Variants in MED13 observed in about 807,000 individuals in gnomAD.
MED13 encodes the protein mediator complex subunit 13.
A neutral mutation model predicts 225.2 loss-of-function variants in MED13; 23 were observed. That is an observed-to-expected ratio of 0.10 (90% CI 0.07 to 0.14). The LOEUF is 0.14. MED13 is among the 10% of genes least tolerant of loss of function. MED13 has a pLI of 1.00. For synonymous variants in MED13, 942 were observed against 889.2 expected, an observed-to-expected ratio of 1.06 and a Z score of -1.06; for missense variants, 2,197 against 2,594.5, an observed-to-expected ratio of 0.85 and a Z score of 3.33.
intron 17 of MED13, 96 bp downstream of exon 17, chr17:61,972,631 A>T: frequency 8.6e-7 from 1 of 1,167,220 alleles, no homozygotes; most frequent in Non-Finnish European, 1.2e-6. Context: ...TATCACAAAT[A>T]TATTTAAAGA....
chr17:62,057,842 G>A (rs901192737), intron 2 of MED13, among the ~76,000 whole-genome samples: 1 of 152,090 alleles, frequency 6.6e-6, no homozygotes, highest in Admixed American at 6.5e-5. Flanking sequence ...AGTTCACAAG[G>A]TATCAGTTTT....
intron 16 of MED13, among the ~76,000 whole-genome samples, chr17:61,975,742 G>T (rs1052395932): frequency 6.6e-6 from 1 of 152,168 alleles, no homozygotes; most frequent in Admixed American, 6.5e-5. Context: ...AAGGCCAAGC[G>T]CAATGGCTCA....
At chr17:61,971,742 C>T (rs569943736) in intron 17 of MED13, among the ~76,000 whole-genome samples, 3 of 152,106 alleles carry the variant, frequency 2.0e-5, no homozygotes, top group South Asian at 4.1e-4. Flanking sequence ...GAAACCAGCC[C>T]GGCCAACGTG....
chr17:62,006,361 G>GA (rs1489313529), intron 9 of MED13: 1 of 151,242 alleles, frequency 6.6e-6, no homozygotes, highest in Non-Finnish European at 1.5e-5. Flanking sequence ...AAAAAGAGCT[G>GA]AAAATGGGAC....
chr17:61,974,525 A>G lies in MED13; in HGVS notation c.3806-1637T>C, dbSNP rs373446769. 4.7e-5 allele frequency among the ~76,000 whole-genome samples: 7 copies of G among 150,380 alleles called. No homozygotes were observed. In the East Asian group the frequency reaches 5.9e-4, roughly 13 times the overall value. On this transcript the variant is annotated intron_variant, in intron 16 of 29. Coordinates refer to ENST00000397786, the MANE Select transcript of MED13 (RefSeq NM_005121.3). ...GACACAAGTTTACCTTTTACTTAAT[A>G]TAACAAACCTGGCACATGTACCCAT...
At position 62,050,500 on chromosome 17, in the gene MED13, A is replaced by G. The variant is rs935551835; in HGVS notation, c.470+2037T>C. On this transcript the variant is annotated intron_variant, in intron 3 of 29. Transcript: ENST00000397786. ...ATTTCAATGGTAGGCTGTTGTGACC[A>G]AAAAAAAAAAAAGTCCACTAGATTA... Among the ~76,000 whole-genome samples, 4 of 144,088 alleles carry G rather than the reference A, an allele frequency of 2.8e-5. No homozygotes were observed. In the East Asian group the frequency reaches 6.1e-4, roughly 22 times the overall value. 94.5% of individuals were successfully genotyped at this position (144,088 alleles called of 152,430 possible). A position where few individuals can be genotyped will look rare whatever the true frequency, so the allele number is the denominator to read the frequency against.
At position 61,972,770 on chromosome 17, in the gene MED13, G is replaced by C. The variant is rs2080121174; in HGVS notation, c.3924C>G (p.Leu1308=). 2 of 1,612,858 alleles carry C rather than the reference G, an allele frequency of 1.2e-6. No individual in the cohort carries two copies. The highest frequency in any genetic ancestry group is 1.3e-5 in the African/African-American group (1 of 74,840). The change falls in exon 17 of 30, where the codon CTC becomes CTG. Residue 1308 remains leucine (L), a synonymous_variant. Transcript: ENST00000397786. ...CCATTTTATGAAATTGTTGCCAAGTGAGAGGACCCTGAACACCCCAAGGTC... is the reference window on the plus strand; with the variant it reads ...CCATTTTATGAAATTGTTGCCAAGTCAGAGGACCCTGAACACCCCAAGGTC... The part of the protein sequence containing the change: ...TVRPWGVQGP[L]TWQQFHKMAG...
chr17:61,986,737 T>C (rs555766906), intron 12 of MED13, among the ~76,000 whole-genome samples: 26 of 152,010 alleles, frequency 1.7e-4, no homozygotes, highest in Non-Finnish European at 8.8e-5. Context: ...AAACAGAACA[T>C]ACGGCAGAGC....
At chr17:61,964,171 T>C (rs2080032801) in intron 20 of MED13, among the ~76,000 whole-genome samples, 2 of 152,316 alleles carry the variant, frequency 1.3e-5, no homozygotes, top group South Asian at 2.1e-4. Flanking sequence ...AAATGTCATA[T>C]GGGTATCTGG....
At chr17:62,041,033 A>G (rs2080847892) in intron 3 of MED13, among the ~76,000 whole-genome samples, 1 of 152,340 alleles carries the variant, frequency 6.6e-6, no homozygotes, top group South Asian at 2.1e-4. Flanking sequence ...ACTTCTGGGT[A>G]GACACCCAAA....
intron 16 of MED13, among the ~76,000 whole-genome samples, chr17:61,981,485 T>C: frequency 6.6e-6 from 1 of 150,786 alleles, no homozygotes; most frequent in East Asian, 1.9e-4. Flanking sequence ...TTTCATCTCC[T>C]TCCAGTCTCC....
At chr17:62,057,126 C>T (rs938556119) in intron 2 of MED13, among the ~76,000 whole-genome samples, 2 of 152,014 alleles carry the variant, frequency 1.3e-5, no homozygotes, top group African/African-American at 4.8e-5. Context: ...GAATCTTCTC[C>T]AATACAATTT....
At chr17:62,039,593 T>G (rs1295152966) in intron 3 of MED13, among the ~76,000 whole-genome samples, 2 of 148,464 alleles carry the variant, frequency 1.3e-5, no homozygotes, top group African/African-American at 2.5e-5. Context: ...CAAGATTTTT[T>G]TTTTTTTTTT....
chr17:62,031,088 C>A (rs1432582992), intron 6 of MED13: 1 of 160,832 alleles, frequency 6.2e-6, no homozygotes, highest in Non-Finnish European at 1.4e-5. Flanking sequence ...GGAATGCAAA[C>A]TGGATGGCAG....
At chr17:62,031,939 GTGCAC>G (rs1203019145) in intron 5 of MED13, among the ~76,000 whole-genome samples, 1 of 151,548 alleles carries the variant, frequency 6.6e-6, no homozygotes, top group African/African-American at 2.4e-5. Context: ...AAATCTTTAT[GTGCAC>G]TTCTGACCAA....
chr17:62,039,660 T>C (rs1238084089), intron 3 of MED13, among the ~76,000 whole-genome samples: 2 of 150,576 alleles, frequency 1.3e-5, no homozygotes, highest in African/African-American at 4.9e-5. Flanking sequence ...GGCGTGATCT[T>C]GGCTCACTGC....
chr17:61,974,636 G>C (rs1404441052), intron 16 of MED13, among the ~76,000 whole-genome samples: 1 of 151,982 alleles, frequency 6.6e-6, no homozygotes, highest in Non-Finnish European at 1.5e-5. Flanking sequence ...CAAACCTCAT[G>C]CTTATGATAA....
chr17:61,965,040 G>A lies in MED13; in HGVS notation c.4810C>T (p.Leu1604Phe), dbSNP rs754744728. Reference protein sequence around the residue: ...TAGISGESSSLPTQPHPDVSE... With the variant: ...TAGISGESSSFPTQPHPDVSE... Reference sequence around the variant, plus strand: ...ACATCAGGATGCGGCTGAGTGGGAAGTGAAGATGATTCTCCAGAAATCCCA... The same window carrying A: ...ACATCAGGATGCGGCTGAGTGGGAAATGAAGATGATTCTCCAGAAATCCCA... Residue 1604 changes from leucine to phenylalanine, a missense_variant, in exon 20 of 30, where the codon CTT becomes TTT. Leu to Phe is a conservative substitution (Grantham distance 22). This residue lies in a region of MED13 where 457 missense variants were observed against 442.2 expected (regional missense o/e 1.03). Coordinates refer to ENST00000397786, the MANE Select transcript of MED13 (RefSeq NM_005121.3). 3 of 1,614,134 alleles carry A rather than the reference G, an allele frequency of 1.9e-6. No individual in the cohort carries two copies. The highest frequency in any genetic ancestry group is 2.5e-6 in the Non-Finnish European group (3 of 1,179,982).
At position 61,965,538 on chromosome 17, in the gene MED13, G is replaced by A. The variant is rs1028670139; in HGVS notation, c.4382-70C>T. On this transcript the variant is annotated intron_variant, in intron 19 of 29. Coordinates refer to ENST00000397786, the MANE Select transcript of MED13 (RefSeq NM_005121.3). The stretch of plus-strand genomic sequence containing the variant: ...GACTGGTTTTTTTAAATTCTACTGT[G>A]TAAACAGAATCATAATCCAGTTGAT... 62 of 1,390,104 alleles carry A rather than the reference G, an allele frequency of 4.5e-5. No individual in the cohort carries two copies. The Middle Eastern group carries it at 5.7e-4, about 13-fold the overall frequency. 86.1% of individuals were successfully genotyped at this position (1,390,104 alleles called of 1,614,324 possible). A position where few individuals can be genotyped will look rare whatever the true frequency, so the allele number is the denominator to read the frequency against.
Sources: gnomAD v4.1 joint callset for allele counts (sites outside exome capture counted in the v4.1 genomes callset) on GRCh38, gnomAD v4.1.1 for gene constraint, gnomAD v4.1.1 regional missense constraint, MANE v1.5 for transcripts, NCBI Gene and HGNC (gene_info 2026-07-23, HGNC 2026-07-21) for gene names.